GRIA3: variants seen among roughly 807,000 people sequenced by gnomAD.
GRIA3 encodes the protein glutamate ionotropic receptor AMPA type subunit 3.
A neutral mutation model predicts 63.0 loss-of-function variants in GRIA3; 3 were observed. The ratio of observed to expected loss-of-function variants is 0.05; its 90% CI spans 0.02 to 0.12. The LOEUF is 0.12. Ranked by LOEUF, GRIA3 falls within the 10% of genes least tolerant of loss-of-function variation. GRIA3 has a pLI of 1.00. For missense variants in GRIA3, 347 were observed against 700.9 expected (o/e 0.50, Z 5.70); for synonymous variants, 274 against 257.9 (o/e 1.06, Z -0.60).
chrX:123,410,394 T>G (rs986871181), intron 10 of GRIA3, among the ~76,000 whole-genome samples: 2 of 111,992 alleles, frequency 1.8e-5, no homozygotes, highest in African/African-American at 6.5e-5. Flanking sequence ...ACTTAGAAGA[T>G]AGCAGAGAGC....
At chrX:123,450,246 G>T (rs2147418135) in intron 12 of GRIA3, among the ~76,000 whole-genome samples, 1 of 112,126 alleles carries the variant, frequency 8.9e-6, no homozygotes, top group African/African-American at 3.2e-5. Flanking sequence ...TATCATATTG[G>T]TGCCTTTTAC....
chrX:123,443,599 C>G (rs2045687705), intron 12 of GRIA3, among the ~76,000 whole-genome samples: 2 of 111,778 alleles, frequency 1.8e-5, no homozygotes, highest in Non-Finnish European at 3.8e-5. Context: ...CTCCTACTTT[C>G]CTTTACCCGA....
chrX:123,304,798 T>C (rs941729496), intron 3 of GRIA3, among the ~76,000 whole-genome samples: 1 of 111,991 alleles, frequency 8.9e-6, no homozygotes, highest in Non-Finnish European at 1.9e-5. Context: ...TAGTTTGAAA[T>C]AAAGTCTGTA....
At chrX:123,483,081 C>A in intron 15 of GRIA3, 35 bp downstream of exon 15, 4 of 1,072,619 alleles carry the variant, frequency 3.7e-6, no homozygotes, top group Non-Finnish European at 5.2e-6. Flanking sequence ...ATCAGCTTTA[C>A]TTTACTGTAT....
At chrX:123,384,428 C>A (rs5956544) in intron 5 of GRIA3, among the ~76,000 whole-genome samples, 56,670 of 110,366 alleles carry the variant, frequency 0.51, 10,953 homozygotes, top group East Asian at 0.62. Context: ...AGTTCGAGAC[C>A]AGCCTGGCCA....
rs977054292 is a variant in GRIA3, at chrX:123,490,406, GT to G, written c.*1700del. The G allele has an allele frequency of 8.9e-6, 1 of 112,679 alleles. No individual in the cohort carries two copies. Among genetic ancestry groups the G allele is most frequent in the Non-Finnish European group, 1.9e-5 (1 of 53,305 alleles). The allele number at this position is 112,679 out of a possible 1,213,427, so 9.3% of individuals were successfully genotyped here. A position where few individuals can be genotyped will look rare whatever the true frequency, so the allele number is the denominator to read the frequency against. On this transcript the variant is annotated 3_prime_UTR_variant, in exon 16 of 16. Coordinates refer to ENST00000620443, the MANE Select transcript of GRIA3 (RefSeq NM_007325.5). The stretch of plus-strand genomic sequence containing the variant: ...AAGAAAGCTGTTGTGTTTTTGTTTT[GT>G]TTTGTTTTCATGAAACTGTGATTTT...
chrX:123,204,980 A>T (rs957346433), intron 2 of GRIA3, among the ~76,000 whole-genome samples: 3 of 111,842 alleles, frequency 2.7e-5, no homozygotes, highest in Non-Finnish European at 3.8e-5. Context: ...GGAAGTCAAG[A>T]GATGGAGATG....
chrX:123,243,489 C>T (rs1042870538), intron 2 of GRIA3, among the ~76,000 whole-genome samples: 3 of 111,671 alleles, frequency 2.7e-5, no homozygotes, highest in Non-Finnish European at 5.6e-5. Flanking sequence ...AGGGCCTTGT[C>T]ACATGCTAGT....
chrX:123,380,655 T>C (rs1280582007), intron 5 of GRIA3, among the ~76,000 whole-genome samples: 3 of 109,199 alleles, frequency 2.7e-5, no homozygotes, highest in Admixed American at 9.8e-5. Context: ...TTTAATTAGA[T>C]CCCATTTGTC....
At chrX:123,454,949 G>A (rs1169652433) in intron 12 of GRIA3, among the ~76,000 whole-genome samples, 1 of 111,838 alleles carries the variant, frequency 8.9e-6, no homozygotes, top group East Asian at 2.8e-4. Context: ...AAACTTAGCT[G>A]ATTGTCACCT....
intron 2 of GRIA3, among the ~76,000 whole-genome samples, chrX:123,201,139 T>C (rs973022677): frequency 8.9e-6 from 1 of 112,124 alleles, no homozygotes; most frequent in Non-Finnish European, 1.9e-5. Flanking sequence ...CAAAGGGAAA[T>C]AGAGTACAGA....
chrX:123,387,186 G>A (rs955512048), intron 5 of GRIA3, among the ~76,000 whole-genome samples: 1 of 111,141 alleles, frequency 9.0e-6, no homozygotes, highest in African/African-American at 3.3e-5. Context: ...TTTATTCCTA[G>A]ATATTTCAGT....
intron 12 of GRIA3, among the ~76,000 whole-genome samples, chrX:123,432,197 T>C (rs73553802): frequency 1.5e-3 from 168 of 112,181 alleles, no homozygotes; most frequent in African/African-American, 4.9e-3. Flanking sequence ...CAGACAAAGC[T>C]GGCTTCACAA....
chrX:123,435,749 G>A (rs16997378), intron 12 of GRIA3, among the ~76,000 whole-genome samples: 8,021 of 111,870 alleles, frequency 0.072, 692 homozygotes, highest in African/African-American at 0.24. Flanking sequence ...AGTTTCTGAC[G>A]TGCTAAGGGT....
At chrX:123,192,103 G>A (rs895650339) in intron 2 of GRIA3, among the ~76,000 whole-genome samples, 2 of 111,562 alleles carry the variant, frequency 1.8e-5, no homozygotes, top group East Asian at 2.8e-4. Context: ...AAGTACACCC[G>A]AGGCATAGGC....
chrX:123,444,792 T>C (rs2045694465), intron 12 of GRIA3, among the ~76,000 whole-genome samples: 1 of 111,454 alleles, frequency 9.0e-6, no homozygotes, highest in Non-Finnish European at 1.9e-5. Flanking sequence ...TGTAATCCTT[T>C]CTCCCTCCCT....
chrX:123,201,151 T>C (rs140378373), intron 2 of GRIA3, among the ~76,000 whole-genome samples: 2,421 of 112,071 alleles, frequency 0.022, 59 homozygotes, highest in African/African-American at 0.07. Flanking sequence ...GAGTACAGAT[T>C]TGGAGTCAAA....
At chrX:123,200,608 T>TACAC (rs200626306) in intron 2 of GRIA3, among the ~76,000 whole-genome samples, 936 of 76,342 alleles carry the variant, frequency 0.012, 11 homozygotes, top group Middle Eastern at 0.029. Context: ...CACACATACA[T>TACAC]ACACACACAC....
chrX:123,331,798 T>A (rs1393763993), intron 4 of GRIA3, among the ~76,000 whole-genome samples: 2 of 111,999 alleles, frequency 1.8e-5, no homozygotes, highest in Admixed American at 9.5e-5. Context: ...CCTGATTTCC[T>A]TGTTGTGTGA....
Sources: gnomAD v4.1 joint callset for allele counts (sites outside exome capture counted in the v4.1 genomes callset) on GRCh38, gnomAD v4.1.1 for gene constraint, MANE v1.5 for transcripts, NCBI Gene and HGNC (gene_info 2026-07-23, HGNC 2026-07-21) for gene names.